The following MED13L variants were observed in gnomAD, a reference collection of about 807,000 sequenced individuals.
The protein encoded by MED13L is mediator of RNA polymerase II transcription subunit 13-like.
In MED13L, 7 loss-of-function variants were observed where a neutral mutation model predicts 220.9. The observed-to-expected ratio is 0.03, with a 90% CI of 0.02 to 0.06. MED13L has a LOEUF of 0.06. Among genes scored for constraint, MED13L ranks in the 10% least tolerant of loss-of-function variants. MED13L has a pLI of 1.00. For synonymous variants in MED13L, 1,011 were observed against 1,015.2 expected (o/e 1.00, Z 0.08); for missense variants, 1,965 against 2,760.5 (o/e 0.71, Z 6.46).
chr12:115,961,644 G>A (rs1875763357), intron 30 of MED13L: 10 of 542,892 alleles, frequency 1.8e-5, no homozygotes, highest in South Asian at 5.9e-5. Flanking sequence ...AGGAACTTGC[G>A]TGGACTGCAG....
intron 18 of MED13L, among the ~76,000 whole-genome samples, chr12:115,986,830 T>A (rs1008072697): frequency 4.6e-5 from 7 of 152,114 alleles, no homozygotes; most frequent in African/African-American, 1.7e-4. Flanking sequence ...CAGAAGTCCA[T>A]CCAGATGAAA....
At chr12:116,223,446 G>A (rs1868630342) in intron 2 of MED13L, among the ~76,000 whole-genome samples, 2 of 152,080 alleles carry the variant, frequency 1.3e-5, no homozygotes, top group Admixed American at 1.3e-4. Flanking sequence ...GATGGATCAC[G>A]CTTGTAATCC....
intron 2 of MED13L, among the ~76,000 whole-genome samples, chr12:116,228,983 C>T (rs1869277750): frequency 6.6e-6 from 1 of 152,060 alleles, no homozygotes; most frequent in Non-Finnish European, 1.5e-5. Flanking sequence ...CACTATGTTT[C>T]CCAGGCTGGT....
chr12:116,270,393 T>G (rs1460958688), intron 1 of MED13L, among the ~76,000 whole-genome samples: 1 of 152,050 alleles, frequency 6.6e-6, no homozygotes, highest in Non-Finnish European at 1.5e-5. Flanking sequence ...CCGCCTGCCT[T>G]GGCCTCCCCG....
chr12:115,966,059 T>G (rs369934604), intron 29 of MED13L, 23 bp downstream of exon 29: 1 of 1,613,536 alleles, frequency 6.2e-7, no homozygotes, highest in Non-Finnish European at 8.5e-7. Flanking sequence ...CCTTGCAAAC[T>G]TCTAATATGA....
At position 116,277,679 on chromosome 12, in the gene MED13L, T is replaced by G. The variant is rs1280813288; in HGVS notation, c.-548A>C. Reference sequence around the variant, plus strand: ...CTTCTCCTCCCTCCCCGGGCTCGCTTGCTCTGACAGCAATGGCGGCCGCCG... The same window carrying G: ...CTTCTCCTCCCTCCCCGGGCTCGCTGGCTCTGACAGCAATGGCGGCCGCCG... On this transcript the variant is annotated 5_prime_UTR_variant, in exon 1 of 31. Transcript: ENST00000281928. Among the ~76,000 whole-genome samples the G allele has an allele frequency of 1.3e-5, 2 of 149,538 alleles. No homozygotes were observed. The highest frequency in any genetic ancestry group is 1.5e-5 in the Non-Finnish European group (1 of 66,936).
At chr12:116,165,958 T>G (rs1269606641) in intron 2 of MED13L, among the ~76,000 whole-genome samples, 1 of 152,224 alleles carries the variant, frequency 6.6e-6, no homozygotes, top group East Asian at 1.9e-4. Flanking sequence ...ACATGCCTCC[T>G]GCCACCAAGG....
At chr12:116,119,769 T>C (rs1874835448) in intron 2 of MED13L, among the ~76,000 whole-genome samples, 1 of 131,204 alleles carries the variant, frequency 7.6e-6, no homozygotes, top group South Asian at 2.4e-4. Flanking sequence ...GGCATGCCAC[T>C]GTACTCCAGC....
At chr12:116,240,804 G>A (rs574701053) in intron 1 of MED13L, among the ~76,000 whole-genome samples, 240 of 151,514 alleles carry the variant, frequency 1.6e-3, no homozygotes, top group African/African-American at 5.3e-3. Flanking sequence ...TGGGATTACA[G>A]GCGCGAGCCA....
At chr12:115,993,448 TG>T (rs1353184932) in intron 16 of MED13L, among the ~76,000 whole-genome samples, 1 of 152,158 alleles carries the variant, frequency 6.6e-6, no homozygotes, top group Non-Finnish European at 1.5e-5. Flanking sequence ...ATAATTTCCT[TG>T]TGATTTTTAA....
chr12:116,184,097 T>C (rs1434993346), intron 2 of MED13L, among the ~76,000 whole-genome samples: 1 of 152,186 alleles, frequency 6.6e-6, no homozygotes, highest in Non-Finnish European at 1.5e-5. Flanking sequence ...AATGAACTGA[T>C]TTTAAACAAA....
chr12:115,978,112 A>G (rs1402181288), intron 23 of MED13L, among the ~76,000 whole-genome samples: 1 of 152,134 alleles, frequency 6.6e-6, no homozygotes, highest in East Asian at 1.9e-4. Flanking sequence ...ATATTGTGTG[A>G]TTCCATCTAT....
chr12:116,190,532 C>T (rs927058226), intron 2 of MED13L, among the ~76,000 whole-genome samples: 2 of 152,174 alleles, frequency 1.3e-5, no homozygotes, highest in Admixed American at 6.5e-5. Context: ...CTTACATCAA[C>T]AGCTTCAAGC....
chr12:115,984,304 T>G lies in MED13L; in HGVS notation c.4407A>C (p.Lys1469Asn). Residue 1469 changes from lysine (K) to asparagine (N), a missense_variant, in exon 20 of 31, where the codon AAA becomes AAC. Lys to Asn is a moderately conservative substitution (Grantham distance 94, BLOSUM62 0). Coordinates refer to ENST00000281928, the MANE Select transcript of MED13L (RefSeq NM_015335.5). The part of the protein sequence containing the change: ...VLRDGIMRVG[K>N]TVAQKLTDEL... ...CATCTGTCAGCTTCTGTGCCACAGTTTTTCCCACGCGCATGATCCCGTCAC... is the reference window on the plus strand; with the variant it reads ...CATCTGTCAGCTTCTGTGCCACAGTGTTTCCCACGCGCATGATCCCGTCAC... The G allele has an allele frequency of 6.2e-7, 1 of 1,614,076 alleles. No homozygotes were observed. Among genetic ancestry groups the G allele is most frequent in the Non-Finnish European group, 8.5e-7 (1 of 1,179,998 alleles).
At chr12:116,113,108 T>G (rs780104557) in intron 2 of MED13L, among the ~76,000 whole-genome samples, 1 of 152,188 alleles carries the variant, frequency 6.6e-6, no homozygotes, top group Non-Finnish European at 1.5e-5. Context: ...GCAAAATAAA[T>G]TAGTTAAAAA....
At chr12:116,250,106 T>C (rs1871401257) in intron 1 of MED13L, among the ~76,000 whole-genome samples, 1 of 144,062 alleles carries the variant, frequency 6.9e-6, no homozygotes. Flanking sequence ...AAGGAAAATA[T>C]TACAAGTCGG....
chr12:116,131,165 G>A (rs577707090), intron 2 of MED13L, among the ~76,000 whole-genome samples: 4 of 152,258 alleles, frequency 2.6e-5, no homozygotes, highest in African/African-American at 9.6e-5. Flanking sequence ...AACCACTGAA[G>A]AAGACAGTCT....
intron 4 of MED13L, among the ~76,000 whole-genome samples, chr12:116,081,826 C>T (rs1042244464): frequency 6.6e-6 from 1 of 152,166 alleles, no homozygotes; most frequent in Non-Finnish European, 1.5e-5. Context: ...GTGATCCTGC[C>T]ACTGCACTCC....
Position 116,123,432 on chromosome 12 carries a change from T to C in MED13L, c.311-11920A>G, listed in dbSNP as rs77139496. Among the ~76,000 whole-genome samples the C allele has an allele frequency of 3.2e-4, 49 of 152,314 alleles. 1 individual carries two copies. In the East Asian group the frequency reaches 9.4e-3, roughly 29 times the overall value. On this transcript the variant is annotated intron_variant, in intron 2 of 30. Transcript: ENST00000281928. ...ATCATTGCTACAAATAAACATTTTA[T>C]AAACTTCCTCTAGGACAATGATTTT...
Sources: allele counts gnomAD v4.1 joint callset (sites outside exome capture counted in the v4.1 genomes callset), GRCh38; gene constraint gnomAD v4.1.1; transcripts MANE v1.5; gene names NCBI Gene and HGNC (gene_info 2026-07-23, HGNC 2026-07-21).